Variants in SGCZ observed in about 807,000 individuals in gnomAD.
SGCZ encodes the protein zeta-sarcoglycan.
In SGCZ, 40 loss-of-function variants were observed where a neutral mutation model predicts 41.3. The ratio of observed to expected loss-of-function variants is 0.97; its 90% CI spans 0.75 to 1.26. SGCZ has a LOEUF of 1.26. Ranked by LOEUF, SGCZ falls within the 50% of genes most tolerant of loss-of-function variation. SGCZ has a pLI of 0.00. For synonymous variants in SGCZ, 206 were observed against 137.5 expected (o/e 1.50, Z -3.49); for missense variants, 552 against 369.8 (o/e 1.49, Z -4.04).
chr8:14,494,019 C>A (rs1347738697), intron 2 of SGCZ, among the ~76,000 whole-genome samples: 1 of 152,028 alleles, frequency 6.6e-6, no homozygotes, highest in Non-Finnish European at 1.5e-5. Flanking sequence ...GACAAATAAC[C>A]AAGCAATAAT....
chr8:14,900,637 A>C (rs891081059), intron 1 of SGCZ, among the ~76,000 whole-genome samples: 2 of 152,224 alleles, frequency 1.3e-5, no homozygotes, highest in Non-Finnish European at 2.9e-5. Flanking sequence ...CTGTCATTAT[A>C]GACTGAATAC....
chr8:14,792,650 T>TG (rs1800993184), intron 1 of SGCZ, among the ~76,000 whole-genome samples: 1 of 152,136 alleles, frequency 6.6e-6, no homozygotes, highest in African/African-American at 2.4e-5. Flanking sequence ...ATATGCCATG[T>TG]TGGTGTGCTG....
At chr8:15,150,893 T>C (rs1053899990) in intron 1 of SGCZ, among the ~76,000 whole-genome samples, 5 of 152,186 alleles carry the variant, frequency 3.3e-5, no homozygotes, top group African/African-American at 1.2e-4. Context: ...CCTCCAGTGA[T>C]TTTTGCCCTC....
intron 1 of SGCZ, among the ~76,000 whole-genome samples, chr8:14,802,076 T>C (rs1801337660): frequency 6.6e-6 from 1 of 152,126 alleles, no homozygotes; most frequent in African/African-American, 2.4e-5. Context: ...GAAAAGAGCA[T>C]GTTGGAAATG....
intron 5 of SGCZ, among the ~76,000 whole-genome samples, chr8:14,135,652 T>A (rs1803173617): frequency 6.6e-6 from 1 of 152,032 alleles, no homozygotes; most frequent in Admixed American, 6.5e-5. Context: ...AGAACTTGAA[T>A]TTGTAACTGA....
intron 1 of SGCZ, among the ~76,000 whole-genome samples, chr8:14,753,995 G>A (rs376495865): frequency 7.9e-5 from 12 of 152,014 alleles, no homozygotes; most frequent in African/African-American, 2.7e-4. Flanking sequence ...TTTACCTACT[G>A]TTTCAATTCA....
At chr8:14,231,381 C>T (rs1488718654) in intron 4 of SGCZ, among the ~76,000 whole-genome samples, 1 of 151,892 alleles carries the variant, frequency 6.6e-6, no homozygotes, top group Non-Finnish European at 1.5e-5. Context: ...GGAATTTCAT[C>T]AATATCAATT....
chr8:14,250,882 A>T (rs1216355246), intron 3 of SGCZ, among the ~76,000 whole-genome samples: 3 of 152,180 alleles, frequency 2.0e-5, no homozygotes, highest in African/African-American at 7.2e-5. Context: ...GACTTTTCTT[A>T]TAACTCTGAT....
intron 1 of SGCZ, among the ~76,000 whole-genome samples, chr8:15,227,682 G>A (rs910429588): frequency 5.9e-5 from 9 of 152,168 alleles, no homozygotes; most frequent in Admixed American, 1.3e-4. Context: ...GACACTGTTC[G>A]TCAATAAGAC....
At chr8:14,717,744 C>T (rs535758542) in intron 1 of SGCZ, among the ~76,000 whole-genome samples, 1 of 152,200 alleles carries the variant, frequency 6.6e-6, no homozygotes, top group Admixed American at 6.5e-5. Flanking sequence ...TCTTAGCTGG[C>T]ACTTGAATTC....
chr8:15,196,155 C>T (rs1800725637), intron 1 of SGCZ, among the ~76,000 whole-genome samples: 1 of 134,016 alleles, frequency 7.5e-6, no homozygotes, highest in African/African-American at 2.8e-5. Context: ...CCTCGGCCTC[C>T]CAAAGTGCTG....
At chr8:14,330,120 T>C (rs1802260478) in intron 2 of SGCZ, among the ~76,000 whole-genome samples, 1 of 152,180 alleles carries the variant, frequency 6.6e-6, no homozygotes, top group Non-Finnish European at 1.5e-5. Context: ...AAATGCTCTA[T>C]TAGTATTTCT....
chr8:14,197,918 A>G (rs961242698), intron 4 of SGCZ, among the ~76,000 whole-genome samples: 3 of 152,146 alleles, frequency 2.0e-5, no homozygotes, highest in Non-Finnish European at 4.4e-5. Context: ...AAAAATATAT[A>G]TAAAGTTACT....
intron 1 of SGCZ, among the ~76,000 whole-genome samples, chr8:14,922,403 C>G (rs1563365196): frequency 6.6e-6 from 1 of 151,978 alleles, no homozygotes; most frequent in Non-Finnish European, 1.5e-5. Flanking sequence ...ATTGAGAAAA[C>G]AGTGATTCGA....
At chr8:14,661,449 T>G (rs890786258) in intron 1 of SGCZ, among the ~76,000 whole-genome samples, 6 of 152,174 alleles carry the variant, frequency 3.9e-5, no homozygotes, top group Admixed American at 2.0e-4. Context: ...GTAAATATAT[T>G]TCTTTGGATT....
At chr8:14,703,310 G>A (rs1809228154) in intron 1 of SGCZ, among the ~76,000 whole-genome samples, 2 of 151,990 alleles carry the variant, frequency 1.3e-5, no homozygotes, top group South Asian at 2.1e-4. Flanking sequence ...GTTGCTTCCT[G>A]TAAATCCCAA....
chr8:14,347,694 ATTAT>A (rs1374686327), intron 2 of SGCZ, among the ~76,000 whole-genome samples: 1 of 151,930 alleles, frequency 6.6e-6, no homozygotes, highest in Non-Finnish European at 1.5e-5. Flanking sequence ...ATTTTTAGAG[ATTAT>A]TTATTTATTT....
chr8:15,096,008 C>T (rs1291282388), intron 1 of SGCZ, among the ~76,000 whole-genome samples: 1 of 152,102 alleles, frequency 6.6e-6, no homozygotes, highest in Non-Finnish European at 1.5e-5. Flanking sequence ...ACAAAAATGT[C>T]CCCAAGATAC....
chr8:14,562,042 C>T (rs1350717943), intron 1 of SGCZ, among the ~76,000 whole-genome samples: 5 of 152,028 alleles, frequency 3.3e-5, no homozygotes, highest in African/African-American at 4.8e-5. Context: ...CACTAATAAT[C>T]GAGCCCTAGA....
Sources: gnomAD v4.1 joint callset for allele counts (sites outside exome capture counted in the v4.1 genomes callset) on GRCh38, gnomAD v4.1.1 for gene constraint, MANE v1.5 for transcripts, NCBI Gene and HGNC (gene_info 2026-07-23, HGNC 2026-07-21) for gene names.